The following OSBPL2 variants were observed in gnomAD, a reference collection of about 807,000 sequenced individuals.
OSBPL2 encodes oxysterol-binding protein-related protein 2.
Under a neutral mutation model 58.4 loss-of-function variants are expected in OSBPL2, and 18 were observed. That is an observed-to-expected ratio of 0.31 (90% CI 0.21 to 0.46). The LOEUF (loss-of-function observed/expected upper bound fraction) is 0.46. OSBPL2 is among the 20% of genes least tolerant of loss of function. The pLI, the probability that OSBPL2 is intolerant of heterozygous loss-of-function variation, is 1.00. For synonymous variants in OSBPL2, 221 were observed against 234.1 expected, an observed-to-expected ratio of 0.94 and a Z score of 0.51; for missense variants, 461 against 616.5, an observed-to-expected ratio of 0.75 and a Z score of 2.67.
intron 7 of OSBPL2, chr20:62,280,199 T>C: frequency 1.0e-6 from 1 of 993,606 alleles, no homozygotes; most frequent in Non-Finnish European, 1.4e-6. Flanking sequence ...AAATAAGTAA[T>C]AAACGACACC....
intron 1 of OSBPL2, among the ~76,000 whole-genome samples, chr20:62,252,978 C>T (rs1440896228): frequency 6.6e-6 from 1 of 152,236 alleles, no homozygotes; most frequent in Non-Finnish European, 1.5e-5. Context: ...GATCACATCT[C>T]AACAGGAGGT....
rs1365396809 is a variant in OSBPL2, at chr20:62,278,973, C to T, written c.492-184C>T. On this transcript the variant is annotated intron_variant, in intron 6 of 13. Transcript: ENST00000313733. The stretch of plus-strand genomic sequence containing the variant: ...TGCGATGTCATGTTTGTGTGTGTGT[C>T]TGTTGCCAACGTTAGGCCAAGTGCA... The T allele has an allele frequency of 1.1e-5, 6 of 553,370 alleles. No homozygotes were observed. In the African/African-American group the frequency reaches 1.2e-4, roughly 11 times the overall value. 34.3% of individuals were successfully genotyped at this position (553,370 alleles called of 1,614,324 possible). A position where few individuals can be genotyped will look rare whatever the true frequency, so the allele number is the denominator to read the frequency against.
chr20:62,258,266 C>T (rs1233071925), intron 2 of OSBPL2, among the ~76,000 whole-genome samples: 2 of 152,220 alleles, frequency 1.3e-5, no homozygotes, highest in Non-Finnish European at 2.9e-5. Flanking sequence ...AAAACCACTT[C>T]ATCTCTTTAT....
intron 1 of OSBPL2, among the ~76,000 whole-genome samples, chr20:62,254,911 A>T (rs1458575812): frequency 6.6e-6 from 1 of 152,158 alleles, no homozygotes; most frequent in Non-Finnish European, 1.5e-5. Context: ...AATTCTCTAG[A>T]ATTGATGTTG....
At chr20:62,249,151 CT>C (rs1980354881) in intron 1 of OSBPL2, among the ~76,000 whole-genome samples, 1 of 152,094 alleles carries the variant, frequency 6.6e-6, no homozygotes, top group East Asian at 1.9e-4. Context: ...GTTCCCTGGG[CT>C]AGGGGAACTG....
intron 4 of OSBPL2, among the ~76,000 whole-genome samples, chr20:62,266,416 A>G (rs1186527798): frequency 2.0e-5 from 3 of 152,264 alleles, no homozygotes; most frequent in African/African-American, 7.2e-5. Context: ...CAACGTGGAC[A>G]GTCCCAACAT....
chr20:62,266,722 T>C (rs1981691672), intron 4 of OSBPL2, among the ~76,000 whole-genome samples: 1 of 152,264 alleles, frequency 6.6e-6, no homozygotes, highest in Non-Finnish European at 1.5e-5. Context: ...CTTTTGTTTG[T>C]AAATATTTCT....
At chr20:62,272,552 G>T (rs1200504402) in intron 5 of OSBPL2, among the ~76,000 whole-genome samples, 2 of 152,184 alleles carry the variant, frequency 1.3e-5, no homozygotes, top group Non-Finnish European at 2.9e-5. Context: ...CTCTGCCCTT[G>T]GGCTTCTCTT....
At chr20:62,250,487 GTA>G (rs746522525) in intron 1 of OSBPL2, among the ~76,000 whole-genome samples, 3 of 152,232 alleles carry the variant, frequency 2.0e-5, no homozygotes, top group Non-Finnish European at 4.4e-5. Context: ...CAAACACACA[GTA>G]GCAGGCGACA....
intron 7 of OSBPL2, among the ~76,000 whole-genome samples, chr20:62,280,726 C>T (rs1982725532): frequency 6.6e-6 from 1 of 152,234 alleles, no homozygotes; most frequent in Non-Finnish European, 1.5e-5. Context: ...GCCCAGGACC[C>T]TGCATTACTG....
At chr20:62,281,687 C>T (rs1056039470) in intron 8 of OSBPL2, 103 bp from the exon 9 acceptor site, 8 of 797,750 alleles carry the variant, frequency 1.0e-5, no homozygotes, top group Admixed American at 3.6e-5. Context: ...CAGTCACCCC[C>T]CGCCTGCCCC....
In OSBPL2 at chr20:62,272,219, A is replaced by C. The variant is rs755242507; in HGVS notation, c.353A>C (p.His118Pro). 7 of 1,613,736 alleles carry C rather than the reference A, an allele frequency of 4.3e-6. No individual in the cohort carries two copies. Among genetic ancestry groups the C allele is most frequent in the Non-Finnish European group, 5.9e-6 (7 of 1,179,932 alleles). The part of the protein sequence containing the change: ...TEYMEHVYLI[H>P]RASCQPQPLE... The stretch of plus-strand genomic sequence containing the variant: ...TACATGGAGCACGTGTACCTCATCC[A>C]CAGGGCCTCCTGCCAGCCCCAGCCC... The change falls in exon 5 of 14, where the codon CAC becomes CCC. Residue 118 changes from histidine (H) to proline (P), a missense_variant. By Grantham distance (77) the His-to-Pro change is moderately conservative. Transcript: ENST00000313733.
intron 4 of OSBPL2, among the ~76,000 whole-genome samples, chr20:62,267,971 C>T (rs1469823712): frequency 6.6e-6 from 1 of 152,122 alleles, no homozygotes; most frequent in Non-Finnish European, 1.5e-5. Context: ...CAACCTCTGC[C>T]TCCTGGGTTC....
chr20:62,239,883 C>T (rs1028811558), intron 1 of OSBPL2, among the ~76,000 whole-genome samples: 32 of 152,216 alleles, frequency 2.1e-4, no homozygotes, highest in African/African-American at 7.2e-4. Context: ...GATGGAGTCT[C>T]GCTTTGTTGC....
At chr20:62,272,051 A>C in intron 4 of OSBPL2, 74 bp from the exon 5 acceptor site, 1 of 1,562,038 alleles carries the variant, frequency 6.4e-7, no homozygotes, top group Non-Finnish European at 8.7e-7. Flanking sequence ...AGGGATGCTC[A>C]GAGCAGGGGC....
At chr20:62,265,018 C>G (rs1280691959) in intron 4 of OSBPL2, among the ~76,000 whole-genome samples, 1 of 152,212 alleles carries the variant, frequency 6.6e-6, no homozygotes, top group Non-Finnish European at 1.5e-5. Flanking sequence ...TTAACCTGAT[C>G]ACTTGGTCAA....
chr20:62,286,186 C>T (rs772365300), intron 10 of OSBPL2: 55 of 179,624 alleles, frequency 3.1e-4, no homozygotes, highest in Non-Finnish European at 5.5e-4. Flanking sequence ...TGGTGGCTTA[C>T]GCCTGTAATC....
chr20:62,241,442 G>C (rs1368828431), intron 1 of OSBPL2, among the ~76,000 whole-genome samples: 2 of 152,330 alleles, frequency 1.3e-5, no homozygotes, highest in East Asian at 3.9e-4. Flanking sequence ...GTGACATTTT[G>C]TATAAGGGAA....
intron 1 of OSBPL2, among the ~76,000 whole-genome samples, chr20:62,250,159 G>C (rs1229022556): frequency 6.6e-6 from 1 of 152,258 alleles, no homozygotes; most frequent in Non-Finnish European, 1.5e-5. Flanking sequence ...CACCAGGTAG[G>C]CTCTCTGTGA....
Sources: allele counts gnomAD v4.1 joint callset (sites outside exome capture counted in the v4.1 genomes callset), GRCh38; gene constraint gnomAD v4.1.1; transcripts MANE v1.5; gene names NCBI Gene and HGNC (gene_info 2026-07-23, HGNC 2026-07-21).